ADAMTSL1: variants seen among roughly 807,000 people sequenced by gnomAD.
ADAMTSL1 encodes the protein ADAMTS-like protein 1.
In ADAMTSL1, 126 loss-of-function variants were observed where a neutral mutation model predicts 201.8. The ratio of observed to expected loss-of-function variants is 0.62; its 90% CI spans 0.54 to 0.72. The LOEUF (loss-of-function observed/expected upper bound fraction) is 0.72. Ranked by LOEUF, ADAMTSL1 falls within the 30% of genes least tolerant of loss-of-function variation. The pLI is 0.00. For missense variants in ADAMTSL1, 2,679 were observed against 2,277.8 expected (o/e 1.18, Z -3.59); for synonymous variants, 1,121 against 903.4 (o/e 1.24, Z -4.32).
intron 1 of ADAMTSL1, among the ~76,000 whole-genome samples, chr9:18,066,815 T>C (rs1056983064): frequency 6.6e-6 from 1 of 152,152 alleles, no homozygotes; most frequent in Non-Finnish European, 1.5e-5. Context: ...CCATAAAAAA[T>C]GATGAGTTCA....
At chr9:18,688,151 C>G (rs1185940123) in intron 13 of ADAMTSL1, among the ~76,000 whole-genome samples, 3 of 150,016 alleles carry the variant, frequency 2.0e-5, no homozygotes, top group Non-Finnish European at 4.4e-5. Flanking sequence ...GAAACGTAGT[C>G]TCACTCTTGT....
At chr9:18,272,815 G>A (rs1285712335) in intron 2 of ADAMTSL1, among the ~76,000 whole-genome samples, 1 of 152,102 alleles carries the variant, frequency 6.6e-6, no homozygotes, top group East Asian at 1.9e-4. Flanking sequence ...CCTCCGTGAA[G>A]CCTTTCCTTA....
At chr9:17,958,581 A>G (rs540425280) in intron 1 of ADAMTSL1, among the ~76,000 whole-genome samples, 29 of 152,256 alleles carry the variant, frequency 1.9e-4, no homozygotes, top group African/African-American at 6.5e-4. Context: ...CTTTTCCTCT[A>G]TTTGTCTTTA....
At chr9:18,585,147 T>C (rs1427418020) in intron 4 of ADAMTSL1, among the ~76,000 whole-genome samples, 2 of 152,200 alleles carry the variant, frequency 1.3e-5, no homozygotes, top group African/African-American at 4.8e-5. Flanking sequence ...GGGTCTTTTG[T>C]GTATTCAAGT....
chr9:18,235,120 C>G (rs1830793743), intron 2 of ADAMTSL1, among the ~76,000 whole-genome samples: 1 of 152,166 alleles, frequency 6.6e-6, no homozygotes, highest in South Asian at 2.1e-4. Flanking sequence ...GGAATCACAT[C>G]CTGGATCCAG....
chr9:18,196,518 C>T (rs548933726), intron 2 of ADAMTSL1, among the ~76,000 whole-genome samples: 22 of 152,206 alleles, frequency 1.4e-4, no homozygotes, highest in Admixed American at 1.0e-3. Flanking sequence ...CTACCTGGTA[C>T]GGCAGGGATG....
chr9:18,079,268 T>A (rs1823369336), intron 1 of ADAMTSL1, among the ~76,000 whole-genome samples: 1 of 152,236 alleles, frequency 6.6e-6, no homozygotes, highest in Non-Finnish European at 1.5e-5. Context: ...TTTACACTCT[T>A]TTTGAAGATT....
intron 21 of ADAMTSL1, among the ~76,000 whole-genome samples, chr9:18,824,991 C>G (rs186384218): frequency 3.2e-4 from 49 of 152,228 alleles, no homozygotes; most frequent in African/African-American, 1.1e-3. Flanking sequence ...CCATCACGCC[C>G]GGCCAGGACT....
chr9:18,052,671 A>G (rs550721326), intron 1 of ADAMTSL1, among the ~76,000 whole-genome samples: 1 of 152,212 alleles, frequency 6.6e-6, no homozygotes, highest in South Asian at 2.1e-4. Context: ...TCATAAAGCA[A>G]TGGTGCAAAG....
chr9:18,193,355 A>G (rs976470338), intron 2 of ADAMTSL1, among the ~76,000 whole-genome samples: 2 of 152,132 alleles, frequency 1.3e-5, no homozygotes, highest in South Asian at 2.1e-4. Context: ...GTGGGAGGAC[A>G]TGATAACATG....
intron 1 of ADAMTSL1, among the ~76,000 whole-genome samples, chr9:18,052,735 T>G (rs376038521): frequency 9.2e-5 from 14 of 152,174 alleles, no homozygotes; most frequent in Non-Finnish European, 1.5e-5. Flanking sequence ...TTTACTATTT[T>G]AGGAGTCTTT....
chr9:18,555,353 T>C (rs187057988), intron 3 of ADAMTSL1, among the ~76,000 whole-genome samples: 4 of 152,058 alleles, frequency 2.6e-5, no homozygotes, highest in Non-Finnish European at 4.4e-5. Context: ...TGAGGAAACT[T>C]CCTTGCCAGC....
chr9:18,180,561 A>G (rs1325557325), intron 2 of ADAMTSL1, among the ~76,000 whole-genome samples: 1 of 150,260 alleles, frequency 6.7e-6, no homozygotes, highest in Admixed American at 6.7e-5. Context: ...AAAAATACCT[A>G]AGAATCCAAC....
intron 1 of ADAMTSL1, among the ~76,000 whole-genome samples, chr9:18,000,715 A>C (rs983836465): frequency 9.9e-5 from 15 of 152,210 alleles, no homozygotes; most frequent in African/African-American, 3.1e-4. Flanking sequence ...TATCTTGAAC[A>C]AAAAAGGAAT....
intron 2 of ADAMTSL1, among the ~76,000 whole-genome samples, chr9:18,440,090 T>G (rs193262938): frequency 7.5e-4 from 114 of 152,336 alleles, no homozygotes; most frequent in Non-Finnish European, 1.0e-3. Flanking sequence ...AAAATTCTCT[T>G]AAAATGTATT....
intron 1 of ADAMTSL1, among the ~76,000 whole-genome samples, chr9:18,022,140 C>T (rs941406464): frequency 6.6e-6 from 1 of 152,096 alleles, no homozygotes; most frequent in African/African-American, 2.4e-5. Context: ...GCACTGATCA[C>T]CACCTTGAAG....
intron 1 of ADAMTSL1, among the ~76,000 whole-genome samples, chr9:17,943,212 G>T (rs1193940742): frequency 6.6e-6 from 1 of 152,128 alleles, no homozygotes; most frequent in Non-Finnish European, 1.5e-5. Context: ...AAAGTGCTGG[G>T]ATTACAGGTG....
chr9:18,562,670 G>A (rs1330349259), intron 3 of ADAMTSL1, among the ~76,000 whole-genome samples: 1 of 152,104 alleles, frequency 6.6e-6, no homozygotes, highest in African/African-American at 2.4e-5. Flanking sequence ...CATAGGTTTG[G>A]TCTTTTCACA....
At chr9:18,347,696 C>T (rs1351493656) in intron 2 of ADAMTSL1, among the ~76,000 whole-genome samples, 1 of 152,108 alleles carries the variant, frequency 6.6e-6, no homozygotes, top group African/African-American at 2.4e-5. Flanking sequence ...GAATATTGAA[C>T]TATTTGGGGT....
Sources: allele counts gnomAD v4.1 joint callset (sites outside exome capture counted in the v4.1 genomes callset), GRCh38; gene constraint gnomAD v4.1.1; transcripts MANE v1.5; gene names NCBI Gene and HGNC (gene_info 2026-07-23, HGNC 2026-07-21).